CDH7: variants seen among roughly 807,000 people sequenced by gnomAD.
CDH7 encodes cadherin-7.
In CDH7, 25 loss-of-function variants were observed where a neutral mutation model predicts 71.8. The observed-to-expected ratio is 0.35, with a 90% CI of 0.25 to 0.49. The LOEUF (loss-of-function observed/expected upper bound fraction) is 0.49. Among genes scored for constraint, CDH7 ranks in the 20% least tolerant of loss-of-function variants. CDH7 has a pLI of 0.99. For missense variants in CDH7, 862 were observed against 974.6 expected (o/e 0.88, Z 1.54); for synonymous variants, 381 against 363.8 (o/e 1.05, Z -0.54).
At chr18:65,860,602 T>G (rs1301793819) in intron 10 of CDH7, among the ~76,000 whole-genome samples, 5 of 152,134 alleles carry the variant, frequency 3.3e-5, no homozygotes, top group Admixed American at 6.5e-5. Flanking sequence ...GGAGAGCATT[T>G]GAAACTGATG....
At chr18:65,843,246 A>T (rs1299522026) in intron 6 of CDH7, among the ~76,000 whole-genome samples, 1 of 152,092 alleles carries the variant, frequency 6.6e-6, no homozygotes, top group South Asian at 2.1e-4. Flanking sequence ...TGATGGAGGA[A>T]TAGCGAAGGC....
chr18:65,773,576 C>A (rs184934443), intron 2 of CDH7, among the ~76,000 whole-genome samples: 144 of 152,224 alleles, frequency 9.5e-4, no homozygotes, highest in East Asian at 1.9e-3. Context: ...GATGATGCGA[C>A]TTCAAGCAAA....
intron 2 of CDH7, among the ~76,000 whole-genome samples, chr18:65,795,802 C>G (rs1334314407): frequency 6.6e-6 from 1 of 152,104 alleles, no homozygotes; most frequent in Non-Finnish European, 1.5e-5. Context: ...CTCATGATCT[C>G]CTCATATCGT....
rs57594274 is a variant in CDH7, at chr18:65,811,966, C to CTTTTTT, written c.505+1982_505+1987dup. ...ATCACAGTACCTTTTCTTTTCTTTT[C>CTTTTTT]TTTTTTTTTTTTTTTTTTTGCGAGA... On this transcript the variant is annotated intron_variant, in intron 3 of 11. Coordinates refer to ENST00000397968, the MANE Select transcript of CDH7 (RefSeq NM_004361.5). 4.4e-3 allele frequency among the ~76,000 whole-genome samples: 420 copies of CTTTTTT among 95,846 alleles called. 7 individuals carry two copies. Among genetic ancestry groups the CTTTTTT allele is most frequent in the African/African-American group, 6.8e-3 (167 of 24,678 alleles). 62.9% of individuals were successfully genotyped at this position (95,846 alleles called of 152,430 possible). A position where few individuals can be genotyped will look rare whatever the true frequency, so the allele number is the denominator to read the frequency against.
intron 2 of CDH7, among the ~76,000 whole-genome samples, chr18:65,768,042 T>C (rs1275725282): frequency 6.6e-6 from 1 of 152,172 alleles, no homozygotes; most frequent in Non-Finnish European, 1.5e-5. Context: ...TATGCCTGAT[T>C]ATAGCCAAAC....
rs139481011 is a variant in CDH7 at position 65,862,396 on chromosome 18, T to C, written c.1613-270T>C. 3.7e-3 allele frequency among the ~76,000 whole-genome samples: 557 copies of C among 152,332 alleles called. 6 individuals are homozygous for C. The highest frequency in any genetic ancestry group is 0.012 in the African/African-American group (517 of 41,584). ...TTTTATAAAGTTGCAATTAATGTAA[T>C]AAGTGATGCATAAACATTTTCATAT... On this transcript the variant is annotated intron_variant, in intron 10 of 11. Coordinates refer to ENST00000397968, the MANE Select transcript of CDH7 (RefSeq NM_004361.5).
At chr18:65,850,277 G>C (rs570067118) in intron 7 of CDH7, among the ~76,000 whole-genome samples, 1 of 149,844 alleles carries the variant, frequency 6.7e-6, no homozygotes, top group African/African-American at 2.4e-5. Flanking sequence ...TATTCATGGG[G>C]TTAAAAAGTT....
chr18:65,849,350 TTTTCTTTTCTTTTCTTTTCTTTTCTTTTC>T (rs1335763094), intron 7 of CDH7, among the ~76,000 whole-genome samples: 1,652 of 110,290 alleles, frequency 0.015, 77 homozygotes, highest in African/African-American at 0.026. Context: ...TTTTCTTTTC[TTTTCTTTTCTTTTCTTTTCTTTTCTTTTC>T]TTTTCTTTTC....
chr18:65,811,244 C>T (rs1461922983), intron 3 of CDH7, among the ~76,000 whole-genome samples: 9 of 151,224 alleles, frequency 6.0e-5, no homozygotes, highest in African/African-American at 2.2e-4. Flanking sequence ...ATACCTACGA[C>T]ACTGAGGAGT....
At chr18:65,838,432 T>C (rs1421628523) in intron 6 of CDH7, among the ~76,000 whole-genome samples, 1 of 152,174 alleles carries the variant, frequency 6.6e-6, no homozygotes, top group Non-Finnish European at 1.5e-5. Context: ...ATGAAGACAG[T>C]CATAGAACTT....
chr18:65,858,789 T>C lies in CDH7; in HGVS notation c.1373-136T>C, dbSNP rs985284738. 14 of 695,372 alleles carry C rather than the reference T, an allele frequency of 2.0e-5. No individual in the cohort carries two copies. In the African/African-American group the frequency reaches 2.5e-4, roughly 13 times the overall value. 43.1% of individuals were successfully genotyped at this position (695,372 alleles called of 1,614,324 possible). ...GTGTGTGTGTATTTGGATCATATTT[T>C]CGTATTTTCTATAGCTCCTTTTAAG... On this transcript the variant is annotated intron_variant, in intron 8 of 11. Transcript: ENST00000397968.
At position 65,866,315 on chromosome 18, in the gene CDH7, C is replaced by CAA. The variant is rs1568228989; in HGVS notation, c.1864+3412_1864+3413dup. 7.4e-3 allele frequency: 10 copies of CAA among 1,356 alleles called. 1 individual carries two copies. Among genetic ancestry groups the CAA allele is most frequent in the Admixed American group, 0.042 (2 of 48 alleles). The allele number at this position is 1,356 out of a possible 1,614,324, so 0.1% of individuals were successfully genotyped here. ...CTCCGTCTCAAAAAAAAAAAAAAAA[C>CAA]AAAAAAAAAAAAAAACAAAAAAAAA... On this transcript the variant is annotated intron_variant, in intron 11 of 11. Transcript: ENST00000397968.
At chr18:65,822,363 C>G (rs1911967091) in intron 5 of CDH7, 115 bp downstream of exon 5, 2 of 767,478 alleles carry the variant, frequency 2.6e-6, no homozygotes, top group Admixed American at 3.0e-5. Flanking sequence ...TGTCTTACTT[C>G]ATTCTCTCAA....
At chr18:65,779,257 C>CTTTTTTTTT (rs34051231) in intron 2 of CDH7, among the ~76,000 whole-genome samples, 1 of 72,892 alleles carries the variant, frequency 1.4e-5, no homozygotes, top group Non-Finnish European at 2.3e-5. Flanking sequence ...AGAAAACATT[C>CTTTTTTTTT]TTTTTTTTTT....
At chr18:65,770,641 T>A (rs1916514147) in intron 2 of CDH7, among the ~76,000 whole-genome samples, 2 of 152,312 alleles carry the variant, frequency 1.3e-5, no homozygotes, top group Non-Finnish European at 2.9e-5. Flanking sequence ...AGAAAGGTGA[T>A]GTTCTTATGT....
intron 6 of CDH7, among the ~76,000 whole-genome samples, chr18:65,835,146 T>C (rs1468890111): frequency 6.6e-6 from 1 of 152,124 alleles, no homozygotes; most frequent in Non-Finnish European, 1.5e-5. Flanking sequence ...CCTGGGCTGG[T>C]TCCAAGAATG....
chr18:65,799,742 C>G (rs367825855), intron 2 of CDH7, among the ~76,000 whole-genome samples: 2 of 152,042 alleles, frequency 1.3e-5, no homozygotes, highest in South Asian at 2.1e-4. Context: ...CTACTTACCC[C>G]CAGAAGCTGT....
chr18:65,829,630 G>A (rs1912263392), intron 6 of CDH7, among the ~76,000 whole-genome samples: 2 of 151,826 alleles, frequency 1.3e-5, no homozygotes, highest in Admixed American at 1.3e-4. Flanking sequence ...CCCCCTGCCT[G>A]TTGACTCCCC....
At chr18:65,750,606 G>C (rs1416569169), upstream of CDH7, 1 of 152,372 alleles carries the variant, frequency 6.6e-6, no homozygotes, top group African/African-American at 2.4e-5. Context: ...CGTGGCGGCC[G>C]AGCGGCTCCG....
Sources: allele counts gnomAD v4.1 joint callset (sites outside exome capture counted in the v4.1 genomes callset), GRCh38; gene constraint gnomAD v4.1.1; transcripts MANE v1.5; gene names NCBI Gene and HGNC (gene_info 2026-07-23, HGNC 2026-07-21).